Variants in USP25 observed in about 807,000 individuals in gnomAD.
USP25 encodes the protein ubiquitin carboxyl-terminal hydrolase 25.
USP25 carries 85 observed loss-of-function variants against 158.5 expected under a neutral mutation model. The observed-to-expected ratio is 0.54, with a 90% CI of 0.45 to 0.64. The LOEUF (loss-of-function observed/expected upper bound fraction) is 0.64. Among genes scored for constraint, USP25 ranks in the 30% least tolerant of loss-of-function variants. The pLI, the probability that USP25 is intolerant of heterozygous loss-of-function variation, is 0.00. For missense variants in USP25, 1,242 were observed against 1,327.3 expected, an observed-to-expected ratio of 0.94 and a Z score of 1.00; for synonymous variants, 464 against 460.4, an observed-to-expected ratio of 1.01 and a Z score of -0.10.
chr21:15,864,498 C>A, intron 21 of USP25, 52 bp downstream of exon 21: 1 of 1,442,076 alleles, frequency 6.9e-7, no homozygotes, highest in African/African-American at 1.5e-5. Context: ...TTTTTTTTTC[C>A]TGCAGATTCC....
intron 1 of USP25, among the ~76,000 whole-genome samples, chr21:15,734,443 A>G (rs926810266): frequency 6.6e-6 from 1 of 152,174 alleles, no homozygotes; most frequent in Admixed American, 6.5e-5. Context: ...TTAGTATAAG[A>G]CTTGATTTGG....
At position 15,792,595 on chromosome 21, in the gene USP25, G is replaced by A. The variant is rs574144684; in HGVS notation, c.555+931G>A. ...ACTTTCCAAACCTGTGTGTATGACA[G>A]CTTAAACTTTCATATGATATTAAGG... On this transcript the variant is annotated intron_variant, in intron 5 of 25. Transcript: ENST00000400183. Among the ~76,000 whole-genome samples the A allele has an allele frequency of 2.0e-5, 3 of 151,080 alleles. No homozygotes were observed. In the East Asian group the frequency reaches 5.8e-4, roughly 29 times the overall value.
chr21:15,781,705 C>G (rs2034974081), intron 4 of USP25, among the ~76,000 whole-genome samples: 1 of 152,182 alleles, frequency 6.6e-6, no homozygotes, highest in African/African-American at 2.4e-5. Flanking sequence ...TGAATCAAAG[C>G]CAGGGGGTTC....
intron 3 of USP25, among the ~76,000 whole-genome samples, chr21:15,767,748 C>T (rs888246690): frequency 3.3e-5 from 5 of 151,948 alleles, no homozygotes; most frequent in African/African-American, 1.2e-4. Flanking sequence ...AGGAAATTGA[C>T]TAAACAGAGA....
At chr21:15,739,016 T>C (rs2031788367) in intron 1 of USP25, among the ~76,000 whole-genome samples, 1 of 152,134 alleles carries the variant, frequency 6.6e-6, no homozygotes, top group African/African-American at 2.4e-5. Context: ...CAGGAATTGC[T>C]CACCCCGGGA....
intron 17 of USP25, among the ~76,000 whole-genome samples, chr21:15,842,042 T>C (rs902694029): frequency 1.3e-5 from 2 of 152,294 alleles, no homozygotes; most frequent in East Asian, 3.9e-4. Flanking sequence ...CTGTGCACTC[T>C]ATGGAAAGTC....
intron 4 of USP25, among the ~76,000 whole-genome samples, chr21:15,783,523 G>A (rs55804442): frequency 0.14 from 22,000 of 152,142 alleles, 3,237 homozygotes; most frequent in African/African-American, 0.38. Flanking sequence ...CCATTAGACT[G>A]TCAGTACATT....
intron 1 of USP25, among the ~76,000 whole-genome samples, chr21:15,761,131 T>G (rs1411146426): frequency 6.6e-6 from 1 of 152,212 alleles, no homozygotes; most frequent in Non-Finnish European, 1.5e-5. Context: ...TCCTCAAGAT[T>G]AGATTTCGGT....
At chr21:15,842,587 AT>A in intron 18 of USP25, 47 bp downstream of exon 18, 1 of 1,601,866 alleles carries the variant, frequency 6.2e-7, no homozygotes, top group Non-Finnish European at 8.5e-7. Flanking sequence ...TGGTCACGAC[AT>A]TTCCTCCAGT....
intron 1 of USP25, among the ~76,000 whole-genome samples, chr21:15,762,148 TC>T (rs1461703206): frequency 8.2e-6 from 1 of 122,446 alleles, no homozygotes; most frequent in Non-Finnish European, 1.6e-5. Flanking sequence ...TTTCAATAGA[TC>T]CTATTCTATT....
intron 3 of USP25, among the ~76,000 whole-genome samples, chr21:15,774,381 A>G (rs185272504): frequency 7.2e-5 from 11 of 152,312 alleles, no homozygotes; most frequent in Admixed American, 3.3e-4. Context: ...GAAGATATCA[A>G]GCTCACAGTG....
At chr21:15,853,056 C>T (rs184125834) in intron 20 of USP25, among the ~76,000 whole-genome samples, 119 of 152,292 alleles carry the variant, frequency 7.8e-4, no homozygotes, top group African/African-American at 2.7e-3. Context: ...CTAACAATGA[C>T]AGTCTCTGCC....
intron 1 of USP25, among the ~76,000 whole-genome samples, chr21:15,758,823 TA>T (rs11326283): frequency 0.23 from 35,309 of 151,806 alleles, 5,580 homozygotes; most frequent in African/African-American, 0.46. Context: ...TCATAACCCT[TA>T]ACTCACTATC....
intron 1 of USP25, among the ~76,000 whole-genome samples, chr21:15,760,662 A>T (rs1475748977): frequency 6.6e-6 from 1 of 152,244 alleles, no homozygotes; most frequent in East Asian, 1.9e-4. Flanking sequence ...TTACAATTTG[A>T]TGTCAACAAA....
intron 17 of USP25, among the ~76,000 whole-genome samples, chr21:15,837,751 C>T (rs1024396172): frequency 6.6e-6 from 1 of 152,008 alleles, no homozygotes; most frequent in African/African-American, 2.4e-5. Context: ...AAGTGTATTG[C>T]GTAAGGTTTT....
intron 18 of USP25, among the ~76,000 whole-genome samples, chr21:15,846,154 AT>A (rs2038597672): frequency 6.9e-5 from 3 of 43,548 alleles, no homozygotes; most frequent in Admixed American, 5.9e-4. Context: ...ATATATATAT[AT>A]ATATTTTTTT....
intron 18 of USP25, among the ~76,000 whole-genome samples, chr21:15,846,188 A>G (rs1354292605): frequency 5.7e-5 from 6 of 104,602 alleles, no homozygotes; most frequent in Non-Finnish European, 1.1e-4. Context: ...TTTGAGACAG[A>G]GTCTTACTCT....
chr21:15,798,203 C>T (rs2035955198), intron 5 of USP25, among the ~76,000 whole-genome samples: 1 of 151,196 alleles, frequency 6.6e-6, no homozygotes, highest in South Asian at 2.1e-4. Flanking sequence ...AAGAATGTGG[C>T]AACCTTTCAT....
chr21:15,874,732 A>G (rs188403586), intron 24 of USP25, among the ~76,000 whole-genome samples: 106 of 152,350 alleles, frequency 7.0e-4, no homozygotes, highest in African/African-American at 2.5e-3. Context: ...ACTATAGGTG[A>G]TAAATGAGAA....
Sources: gnomAD v4.1 joint callset for allele counts (sites outside exome capture counted in the v4.1 genomes callset) on GRCh38, gnomAD v4.1.1 for gene constraint, MANE v1.5 for transcripts, NCBI Gene and HGNC (gene_info 2026-07-23, HGNC 2026-07-21) for gene names.